Variants in EMILIN2 observed in about 807,000 individuals in gnomAD.
The protein encoded by EMILIN2 is elastin microfibril interfacer 2.
In EMILIN2, 71 loss-of-function variants were observed where a neutral mutation model predicts 87.1. The observed-to-expected ratio is 0.82, with a 90% CI of 0.67 to 0.99. EMILIN2 has a LOEUF of 0.99. EMILIN2 is among the 50% of genes least tolerant of loss of function. EMILIN2 has a pLI of 0.00. For missense variants in EMILIN2, 1,407 were observed against 1,371.8 expected, an observed-to-expected ratio of 1.03 and a Z score of -0.40; for synonymous variants, 581 against 563.4, an observed-to-expected ratio of 1.03 and a Z score of -0.44.
rs750705764 is a variant in EMILIN2, at chr18:2,885,102, G to A, written c.396G>A (p.Thr132=). 9.3e-6 allele frequency: 15 copies of A among 1,610,782 alleles called. No homozygotes were observed. In the Admixed American group the frequency reaches 1.5e-4, roughly 16 times the overall value. The change falls in exon 3 of 8, where the codon ACG becomes ACA. Residue 132 remains threonine (T), a synonymous_variant. Transcript: ENST00000254528. Reference sequence around the variant, plus strand: ...ACCCCGTGAAGACCCTCCGCCCCACGCCGGCTCGGCCTCGAAACAGCTTGA... The same window carrying A: ...ACCCCGTGAAGACCCTCCGCCCCACACCGGCTCGGCCTCGAAACAGCTTGA... The part of the protein sequence containing the change: ...PKDPVKTLRP[T]PARPRNSLKK...
intron 4 of EMILIN2, among the ~76,000 whole-genome samples, chr18:2,899,693 A>G (rs1474231304): frequency 6.6e-6 from 1 of 152,038 alleles, no homozygotes; most frequent in Non-Finnish European, 1.5e-5. Context: ...TAGTAGAGAC[A>G]GGGTTTCACC....
chr18:2,880,477 A>G lies in EMILIN2; in HGVS notation c.258-4487A>G, dbSNP rs2076771395. Among the ~76,000 whole-genome samples, 1 of 152,166 alleles carries G rather than the reference A, an allele frequency of 6.6e-6. No individual in the cohort carries two copies. On this transcript the variant is annotated intron_variant, in intron 2 of 7. Transcript: ENST00000254528. The surrounding 1 kb of genome is among the most constrained non-coding windows in gnomAD (Gnocchi z 4.1). ...GCGGCAGGGCGACAGGCCCAGGGTT[A>G]CAGCCCCAAGGGCCGCCCCCGCCCA...
intron 2 of EMILIN2, among the ~76,000 whole-genome samples, chr18:2,868,523 C>G (rs144545237): frequency 2.0e-5 from 3 of 152,250 alleles, no homozygotes; most frequent in South Asian, 2.1e-4. Context: ...ACTGAGTGAA[C>G]GAGGCTCCCT....
rs960698009 is a variant in EMILIN2, at chr18:2,880,351, T to A, written c.258-4613T>A. Among the ~76,000 whole-genome samples the A allele has an allele frequency of 6.6e-6, 1 of 152,140 alleles. No homozygotes were observed. The highest frequency in any genetic ancestry group is 1.5e-5 in the Non-Finnish European group (1 of 68,018). On this transcript the variant is annotated intron_variant, in intron 2 of 7. Transcript: ENST00000254528. The surrounding 1 kb of genome is among the most constrained non-coding windows in gnomAD (Gnocchi z 4.1). Reference sequence around the variant, plus strand: ...TGTCTTGACACGGTTGCTGAACCCATTAAAATGGGAAACCCTTGTTTTCAC... The same window carrying A: ...TGTCTTGACACGGTTGCTGAACCCAATAAAATGGGAAACCCTTGTTTTCAC...
At chr18:2,858,749 C>G (rs1343496898) in intron 2 of EMILIN2, among the ~76,000 whole-genome samples, 1 of 151,238 alleles carries the variant, frequency 6.6e-6, no homozygotes, top group Non-Finnish European at 1.5e-5. Flanking sequence ...GATTGTCCCA[C>G]CTCAGCCTCC....
At chr18:2,856,619 G>A (rs902389443) in intron 2 of EMILIN2, among the ~76,000 whole-genome samples, 2 of 152,168 alleles carry the variant, frequency 1.3e-5, no homozygotes, top group Non-Finnish European at 2.9e-5. Flanking sequence ...TTTACATCCT[G>A]TCTTTAAAAA....
rs542915894 is a variant in EMILIN2 at position 2,880,497 on chromosome 18, C to T, written c.258-4467C>T. On this transcript the variant is annotated intron_variant, in intron 2 of 7. Transcript: ENST00000254528. This position sits in a 1 kb window ranked among gnomAD's most constrained non-coding sequence, Gnocchi z 4.1. ...GGGTTACAGCCCCAAGGGCCGCCCC[C>T]GCCCATACCCAAGGCACCTGTGGAC... Among the ~76,000 whole-genome samples, 23 of 152,338 alleles carry T rather than the reference C, an allele frequency of 1.5e-4. No individual in the cohort carries two copies. The highest frequency in any genetic ancestry group is 4.6e-4 in the Admixed American group (7 of 15,304).
intron 4 of EMILIN2, among the ~76,000 whole-genome samples, chr18:2,897,151 C>T (rs970996694): frequency 2.3e-4 from 35 of 152,154 alleles, no homozygotes; most frequent in African/African-American, 8.0e-4. Flanking sequence ...TGAGATCAGG[C>T]AGGCTTTCTA....
intron 4 of EMILIN2, among the ~76,000 whole-genome samples, chr18:2,899,789 C>T (rs1001794432): frequency 6.6e-6 from 1 of 152,170 alleles, no homozygotes; most frequent in Non-Finnish European, 1.5e-5. Context: ...CAGGCGTGAG[C>T]CACCGCGCGC....
chr18:2,862,399 A>G (rs540235961), intron 2 of EMILIN2, among the ~76,000 whole-genome samples: 1 of 152,292 alleles, frequency 6.6e-6, no homozygotes, highest in East Asian at 1.9e-4. Context: ...TTATTTTGAG[A>G]TACGTCCCAT....
intron 2 of EMILIN2, among the ~76,000 whole-genome samples, chr18:2,862,184 G>T (rs1030095605): frequency 7.9e-5 from 12 of 152,122 alleles, no homozygotes; most frequent in Non-Finnish European, 1.3e-4. Context: ...TGCAAACAGG[G>T]ACAATTTGAC....
At chr18:2,877,509 C>T (rs564685241) in intron 2 of EMILIN2, among the ~76,000 whole-genome samples, 11 of 149,260 alleles carry the variant, frequency 7.4e-5, no homozygotes, top group East Asian at 2.0e-4. Flanking sequence ...ACTGGCTGGG[C>T]GCGGTGGCCT....
At chr18:2,881,908 C>T (rs1403062517) in intron 2 of EMILIN2, among the ~76,000 whole-genome samples, 21 of 152,290 alleles carry the variant, frequency 1.4e-4, no homozygotes, top group Admixed American at 1.3e-4. Flanking sequence ...TACCTGGCCA[C>T]GGGTGGGATG....
intron 2 of EMILIN2, among the ~76,000 whole-genome samples, chr18:2,878,586 T>C (rs2076761457): frequency 6.6e-6 from 1 of 152,202 alleles, no homozygotes; most frequent in Admixed American, 6.5e-5. Flanking sequence ...TGAACTGCTC[T>C]GTGGAAACTT....
intron 4 of EMILIN2, among the ~76,000 whole-genome samples, chr18:2,898,393 C>T (rs574643430): frequency 2.0e-5 from 3 of 152,338 alleles, no homozygotes; most frequent in East Asian, 1.9e-4. Context: ...GCCCCACACA[C>T]AGGTTGAGCC....
In EMILIN2 at chr18:2,905,783, G is replaced by GT. The variant is rs35765300; in HGVS notation, c.2360-988dup. ...ACCCCGGGCTAATTTTTGTTTTTTT[G>GT]TTTTTTTTTTTTGGATATTTGGAAG... On this transcript the variant is annotated intron_variant, in intron 4 of 7. Transcript: ENST00000254528. Among the ~76,000 whole-genome samples the GT allele has an allele frequency of 2.6e-3, 135 of 51,868 alleles. 2 individuals carry two copies. The highest frequency in any genetic ancestry group is 0.012 in the African/African-American group (119 of 10,090). 34.0% of individuals were successfully genotyped at this position (51,868 alleles called of 152,430 possible). A position where few individuals can be genotyped will look rare whatever the true frequency, so the allele number is the denominator to read the frequency against.
At chr18:2,909,941 G>A (rs2076933001) in intron 7 of EMILIN2, 122 bp downstream of exon 7, 1 of 1,362,238 alleles carries the variant, frequency 7.3e-7, no homozygotes, top group African/African-American at 1.5e-5. Flanking sequence ...CCACCCTGGA[G>A]CAGATGCCCG....
At chr18:2,897,759 G>A (rs2076870223) in intron 4 of EMILIN2, among the ~76,000 whole-genome samples, 3 of 151,930 alleles carry the variant, frequency 2.0e-5, no homozygotes, top group African/African-American at 7.3e-5. Flanking sequence ...CTACTTGAGA[G>A]GCTGAGGCAG....
At chr18:2,884,362 GT>G (rs2076792751) in intron 2 of EMILIN2, among the ~76,000 whole-genome samples, 1 of 152,024 alleles carries the variant, frequency 6.6e-6, no homozygotes, top group South Asian at 2.1e-4. Context: ...AACAATTCTC[GT>G]GCCTCAGCGG....
Sources: gnomAD v4.1 joint callset for allele counts (sites outside exome capture counted in the v4.1 genomes callset) on GRCh38, gnomAD v4.1.1 for gene constraint, Gnocchi (gnomAD v3.1) non-coding constraint, MANE v1.5 for transcripts, NCBI Gene and HGNC (gene_info 2026-07-23, HGNC 2026-07-21) for gene names.